Variants in PHKB observed in about 807,000 individuals in gnomAD.
The protein encoded by PHKB is phosphorylase b kinase regulatory subunit beta.
Under a neutral mutation model 152.1 loss-of-function variants are expected in PHKB, and 122 were observed. The ratio of observed to expected loss-of-function variants is 0.80; its 90% CI spans 0.69 to 0.93. The LOEUF is 0.93. Among genes scored for constraint, PHKB ranks in the 40% least tolerant of loss-of-function variants. PHKB has a pLI of 0.00. For synonymous variants in PHKB, 436 were observed against 464.9 expected (o/e 0.94, Z 0.80); for missense variants, 1,304 against 1,328.4 (o/e 0.98, Z 0.29).
In PHKB at chr16:47,610,868, G is replaced by A. The variant is rs747429835; in HGVS notation, c.1406G>A (p.Arg469His). The A allele has an allele frequency of 6.2e-5, 99 of 1,608,650 alleles. No homozygotes were observed. The highest frequency in any genetic ancestry group is 8.0e-5 in the Non-Finnish European group (94 of 1,175,266). ...CCTAAAGACATTGATCCTGTCCAGC[G>A]CTATGTCCCACTAAAGGATCAACGT... ...ISPKDIDPVQ[R>H]YVPLKDQRNV... Residue 469 changes from arginine to histidine, a missense_variant, in exon 14 of 31, where the codon CGC (arginine) becomes CAC (histidine). Arg to His is a conservative substitution (Grantham distance 29). Coordinates refer to ENST00000323584, the MANE Select transcript of PHKB (RefSeq NM_000293.3).
intron 14 of PHKB, among the ~76,000 whole-genome samples, chr16:47,626,850 C>G (rs774712552): frequency 3.3e-5 from 5 of 152,196 alleles, no homozygotes; most frequent in Non-Finnish European, 7.3e-5. Flanking sequence ...ACTAGTCTCT[C>G]TCGTAGACCC....
intron 26 of PHKB, among the ~76,000 whole-genome samples, chr16:47,673,907 T>C (rs1383193809): frequency 6.6e-6 from 1 of 152,208 alleles, no homozygotes; most frequent in Non-Finnish European, 1.5e-5. Context: ...ATGGGCTGTC[T>C]TTGTCAGTAA....
chr16:47,596,114 AG>A (rs1270775433), intron 12 of PHKB, among the ~76,000 whole-genome samples: 1 of 151,948 alleles, frequency 6.6e-6, no homozygotes, highest in East Asian at 1.9e-4. Context: ...CTGTTCTCAT[AG>A]TAGTGAATAA....
Position 47,650,538 on chromosome 16 carries a change from T to C in PHKB, c.1798-6T>C. 6.4e-7 allele frequency: 1 copy of C among 1,552,622 alleles called. No individual in the cohort carries two copies. On this transcript the variant is annotated splice_region_variant and splice_polypyrimidine_tract_variant and intron_variant, in intron 18 of 30. Coordinates refer to ENST00000323584, the MANE Select transcript of PHKB (RefSeq NM_000293.3). ...CCATTACATCCTACCTCATTCTGTT[T>C]GACAGAATGCGCTGCAGTTCATTAA... is the stretch of plus-strand genomic sequence containing the variant.
intron 13 of PHKB, among the ~76,000 whole-genome samples, chr16:47,608,367 AG>A (rs1972365981): frequency 6.6e-6 from 1 of 152,202 alleles, no homozygotes; most frequent in Non-Finnish European, 1.5e-5. Context: ...TGTGAGGAAA[AG>A]GTCCAGCTTC....
chr16:47,631,254 C>T (rs139451216), intron 14 of PHKB, among the ~76,000 whole-genome samples: 237 of 152,300 alleles, frequency 1.6e-3, no homozygotes, highest in Admixed American at 3.4e-3. Flanking sequence ...CCTGGACATA[C>T]GTGCAGTCAG....
intron 14 of PHKB, among the ~76,000 whole-genome samples, chr16:47,613,701 A>G (rs771176379): frequency 4.6e-5 from 7 of 152,222 alleles, no homozygotes; most frequent in Non-Finnish European, 8.8e-5. Context: ...CGGTCAAAAT[A>G]CTTAATTGTA....
At chr16:47,476,695 C>A (rs896998512) in intron 1 of PHKB, among the ~76,000 whole-genome samples, 3 of 152,026 alleles carry the variant, frequency 2.0e-5, no homozygotes, top group Admixed American at 6.6e-5. Flanking sequence ...TGAATATTTC[C>A]TCCCTTATGC....
intron 13 of PHKB, among the ~76,000 whole-genome samples, chr16:47,599,577 A>G (rs1242512377): frequency 4.6e-5 from 7 of 152,188 alleles, no homozygotes; most frequent in Non-Finnish European, 7.4e-5. Flanking sequence ...TCATATTAAG[A>G]CCAGAGTGAA....
intron 16 of PHKB, among the ~76,000 whole-genome samples, chr16:47,645,143 T>C (rs973797039): frequency 6.6e-5 from 10 of 151,780 alleles, no homozygotes; most frequent in African/African-American, 2.4e-4. Flanking sequence ...GTTGCGAAAA[T>C]TTTCTCCCAT....
intron 1 of PHKB, among the ~76,000 whole-genome samples, chr16:47,494,402 T>A (rs983533493): frequency 6.6e-6 from 1 of 152,208 alleles, no homozygotes; most frequent in African/African-American, 2.4e-5. Context: ...ATTGATTAGC[T>A]CTATATTGTT....
chr16:47,659,656 G>A (rs1226494328), intron 20 of PHKB, among the ~76,000 whole-genome samples: 2 of 152,068 alleles, frequency 1.3e-5, no homozygotes, highest in Non-Finnish European at 2.9e-5. Flanking sequence ...CCAAATATGG[G>A]TAGCCATATG....
intron 7 of PHKB, among the ~76,000 whole-genome samples, chr16:47,567,399 C>A (rs1009112464): frequency 1.3e-5 from 2 of 151,990 alleles, no homozygotes; most frequent in Admixed American, 6.6e-5. Context: ...ATTTTGTAAC[C>A]TGAGACATTA....
chr16:47,654,859 G>A (rs1228924680), intron 20 of PHKB, among the ~76,000 whole-genome samples: 1 of 151,102 alleles, frequency 6.6e-6, no homozygotes, highest in Non-Finnish European at 1.5e-5. Flanking sequence ...GCTAAATGAC[G>A]AGTTAATGGG....
chr16:47,566,870 A>T (rs757679781), intron 7 of PHKB: 1 of 700,320 alleles, frequency 1.4e-6, no homozygotes, highest in Non-Finnish European at 2.6e-6. Flanking sequence ...TCCCCTTCTT[A>T]TTCTTCTTTT....
In PHKB at chr16:47,511,720, A is replaced by G. The variant is rs779261772; in HGVS notation, c.461A>G (p.Asn154Ser). The G allele has an allele frequency of 8.1e-6, 13 of 1,613,050 alleles. No homozygotes were observed. In the South Asian group the frequency reaches 8.8e-5, roughly 11 times the overall value. The part of the protein sequence containing the change: ...RPTTCLHSVF[N>S]VHTGDELLSY... ...ACAACATGTCTTCACTCTGTTTTCA[A>G]TGTGCATACAGGAGATGAGTTGCTT... Residue 154 changes from asparagine to serine, a missense_variant, in exon 5 of 31, where the codon AAT (asparagine) becomes AGT (serine). Asn to Ser is a conservative substitution (Grantham distance 46). Coordinates refer to ENST00000323584, the MANE Select transcript of PHKB (RefSeq NM_000293.3).
Position 47,472,790 on chromosome 16 carries a change from A to C in PHKB, c.76+11364A>C, listed in dbSNP as rs374200088. ...GGGCGAGACTCCATCTCAAAAAAAA[A>C]ACAAAAATTAGCCAGGTGTTGTGGT... On this transcript the variant is annotated intron_variant, in intron 1 of 30. Transcript: ENST00000323584. 4.6e-5 allele frequency among the ~76,000 whole-genome samples: 7 copies of C among 151,916 alleles called. No homozygotes were observed. The South Asian group carries it at 8.3e-4, about 18-fold the overall frequency.
At chr16:47,485,091 C>T (rs987839287) in intron 1 of PHKB, among the ~76,000 whole-genome samples, 5 of 152,148 alleles carry the variant, frequency 3.3e-5, no homozygotes, top group Admixed American at 6.5e-5. Context: ...TGTAACATTA[C>T]TTTTCCACAC....
intron 17 of PHKB, among the ~76,000 whole-genome samples, 197 bp from the exon 18 acceptor site, chr16:47,648,903 G>A (rs1973183409): frequency 6.6e-6 from 1 of 152,208 alleles, no homozygotes; most frequent in South Asian, 2.1e-4. Flanking sequence ...GAGGTAGACT[G>A]CTTTAAGTTT....
Sources: gnomAD v4.1 joint callset for allele counts (sites outside exome capture counted in the v4.1 genomes callset) on GRCh38, gnomAD v4.1.1 for gene constraint, MANE v1.5 for transcripts, NCBI Gene and HGNC (gene_info 2026-07-23, HGNC 2026-07-21) for gene names.